Variants in VWA3B observed in about 807,000 individuals in gnomAD.
VWA3B encodes von Willebrand factor A domain-containing protein 3B.
Under a neutral mutation model 158.3 loss-of-function variants are expected in VWA3B, and 138 were observed. The observed-to-expected ratio is 0.87, with a 90% CI of 0.76 to 1.00. The LOEUF (loss-of-function observed/expected upper bound fraction) is 1.00. Among genes scored for constraint, VWA3B ranks in the 50% least tolerant of loss-of-function variants. The pLI is 0.00. For missense variants in VWA3B, 1,555 were observed against 1,565.1 expected, an observed-to-expected ratio of 0.99 and a Z score of 0.11; for synonymous variants, 596 against 587.3, an observed-to-expected ratio of 1.01 and a Z score of -0.21.
intron 7 of VWA3B, among the ~76,000 whole-genome samples, chr2:98,153,661 G>C (rs1367599629): frequency 6.6e-6 from 1 of 152,192 alleles, no homozygotes; most frequent in Non-Finnish European, 1.5e-5. Flanking sequence ...ACTGATTGGT[G>C]CCTGTTTATG....
chr2:98,312,046 G>A lies in VWA3B; in HGVS notation c.3735+14G>A, dbSNP rs774466632. On this transcript the variant is annotated intron_variant, in intron 27 of 27. Transcript: ENST00000477737. ...CCCGAGCCCAGGGTTTGGGTGATGG[G>A]GGGGGAACACAACATCGCTTATCTC... 5 of 1,592,166 alleles carry A rather than the reference G, an allele frequency of 3.1e-6. No individual in the cohort carries two copies. The highest frequency in any genetic ancestry group is 2.7e-5 in the African/African-American group (2 of 74,326).
chr2:98,288,743 A>G lies in VWA3B; in HGVS notation c.3046-1768A>G, dbSNP rs373538279. ...CTCCCAATCCTAATATTGGATATTT[A>G]CGTTATCTTTTATTCTGTTGGCTGC... On this transcript the variant is annotated intron_variant, in intron 22 of 27. Transcript: ENST00000477737. Among the ~76,000 whole-genome samples, 18 of 152,246 alleles carry G rather than the reference A, an allele frequency of 1.2e-4. No homozygotes were observed. In the South Asian group the frequency reaches 3.7e-3, roughly 32 times the overall value.
At chr2:98,130,420 G>A (rs546469031) in intron 6 of VWA3B, among the ~76,000 whole-genome samples, 1 of 152,096 alleles carries the variant, frequency 6.6e-6, no homozygotes, top group Non-Finnish European at 1.5e-5. Flanking sequence ...ACCCTTTACG[G>A]GTGTTGGGCT....
intron 12 of VWA3B, chr2:98,207,571 G>A (rs1683126903): frequency 3.9e-6 from 2 of 519,076 alleles, no homozygotes; most frequent in East Asian, 5.4e-5. Context: ...GGTCATCACA[G>A]GTCATATGGG....
At chr2:98,277,849 CAG>C (rs2105909174) in intron 22 of VWA3B, among the ~76,000 whole-genome samples, 1 of 152,244 alleles carries the variant, frequency 6.6e-6, no homozygotes, top group South Asian at 2.1e-4. Context: ...GCTGGGGAGA[CAG>C]AGGAAAGTGT....
At chr2:98,154,879 G>A (rs772747392) in intron 7 of VWA3B, among the ~76,000 whole-genome samples, 1 of 152,158 alleles carries the variant, frequency 6.6e-6, no homozygotes, top group Non-Finnish European at 1.5e-5. Context: ...TGCAAAGTTG[G>A]GTGCTGTGCT....
At chr2:98,295,260 G>T (rs1194108056) in intron 23 of VWA3B, among the ~76,000 whole-genome samples, 1 of 152,130 alleles carries the variant, frequency 6.6e-6, no homozygotes, top group East Asian at 1.9e-4. Context: ...AATTTAAGCC[G>T]GGCTTTGTAT....
At chr2:98,276,924 C>T (rs1326953460) in intron 22 of VWA3B, among the ~76,000 whole-genome samples, 1 of 152,166 alleles carries the variant, frequency 6.6e-6, no homozygotes, top group African/African-American at 2.4e-5. Context: ...GGGGCAGCTT[C>T]ATGATTTTTC....
intron 8 of VWA3B, among the ~76,000 whole-genome samples, chr2:98,171,976 C>T (rs1268936177): frequency 1.3e-5 from 2 of 152,208 alleles, no homozygotes; most frequent in Non-Finnish European, 2.9e-5. Flanking sequence ...GATGGGCAGG[C>T]TGTGGGGTGC....
intron 14 of VWA3B, among the ~76,000 whole-genome samples, chr2:98,226,095 A>T (rs546271581): frequency 6.6e-6 from 1 of 152,244 alleles, no homozygotes; most frequent in South Asian, 2.1e-4. Context: ...TGAAATTTAT[A>T]TGACAAGTCA....
the VWA3B span, among the ~76,000 whole-genome samples, chr2:98,328,023 C>T: frequency 2.0e-5 from 3 of 152,122 alleles, no homozygotes; most frequent in African/African-American, 7.2e-5. Context: ...GTTTCTGATG[C>T]CCTGTCTCTT....
chr2:98,209,588 G>A (rs2105530238), intron 12 of VWA3B, among the ~76,000 whole-genome samples: 1 of 152,146 alleles, frequency 6.6e-6, no homozygotes, highest in East Asian at 1.9e-4. Context: ...GCAAAATTTG[G>A]GGTTTTTTTC....
At chr2:98,098,806 T>G (rs1682890040) in intron 2 of VWA3B, among the ~76,000 whole-genome samples, 1 of 152,162 alleles carries the variant, frequency 6.6e-6, no homozygotes, top group Non-Finnish European at 1.5e-5. Flanking sequence ...TCTTTCTTTG[T>G]GATTAAGTGA....
At chr2:98,308,601 C>T (rs556738266) in intron 26 of VWA3B, among the ~76,000 whole-genome samples, 3 of 152,140 alleles carry the variant, frequency 2.0e-5, no homozygotes, top group South Asian at 2.1e-4. Flanking sequence ...CCTCCCCTGG[C>T]GTCCCGTTCC....
At chr2:98,261,254 T>G (rs867815593) in intron 21 of VWA3B, among the ~76,000 whole-genome samples, 1 of 151,950 alleles carries the variant, frequency 6.6e-6, no homozygotes. Flanking sequence ...CAATCTTGTT[T>G]GAATTGATAT....
chr2:98,269,900 G>C (rs1221856037), intron 21 of VWA3B, among the ~76,000 whole-genome samples: 1 of 152,206 alleles, frequency 6.6e-6, no homozygotes, highest in African/African-American at 2.4e-5. Context: ...CTGTGATTGT[G>C]CTGAGTTTAG....
chr2:98,262,231 G>T (rs1445958433), intron 21 of VWA3B, among the ~76,000 whole-genome samples: 1 of 151,702 alleles, frequency 6.6e-6, no homozygotes, highest in African/African-American at 2.4e-5. Flanking sequence ...TTAGGTTGCT[G>T]TTTCACTCTG....
chr2:98,169,603 G>A (rs549462954), intron 8 of VWA3B, among the ~76,000 whole-genome samples: 6 of 152,272 alleles, frequency 3.9e-5, no homozygotes, highest in African/African-American at 1.4e-4. Flanking sequence ...GTCAATTGTA[G>A]CTCAATACAA....
At position 98,301,287 on chromosome 2, in the gene VWA3B, CA is replaced by C. The variant is rs964553899; in HGVS notation, c.3420+1080del. On this transcript the variant is annotated intron_variant, in intron 25 of 27. Transcript: ENST00000477737. Reference sequence around the variant, plus strand: ...CCTGGGCGACACAGCAAGACTGTCTCAAAAAAAAACAAAAAAACAAAACAAA... The same window carrying C: ...CCTGGGCGACACAGCAAGACTGTCTCAAAAAAAACAAAAAAACAAAACAAA... Among the ~76,000 whole-genome samples the C allele has an allele frequency of 1.5e-3, 192 of 130,718 alleles. 2 individuals carry two copies. The highest frequency in any genetic ancestry group is 5.3e-3 in the African/African-American group (185 of 34,916). 85.8% of individuals were successfully genotyped at this position (130,718 alleles called of 152,430 possible).
Sources: gnomAD v4.1 joint callset for allele counts (sites outside exome capture counted in the v4.1 genomes callset) on GRCh38, gnomAD v4.1.1 for gene constraint, MANE v1.5 for transcripts, NCBI Gene and HGNC (gene_info 2026-07-23, HGNC 2026-07-21) for gene names.